Variants in TUBA1C observed in about 807,000 individuals in gnomAD.
TUBA1C encodes tubulin alpha-1C chain.
Under a neutral mutation model 34.9 loss-of-function variants are expected in TUBA1C, and 16 were observed. The ratio of observed to expected loss-of-function variants is 0.46; its 90% confidence interval spans 0.31 to 0.70. TUBA1C has a LOEUF of 0.70. Ranked by LOEUF, TUBA1C falls within the 30% of genes least tolerant of loss-of-function variation. TUBA1C has a pLI of 0.05. For synonymous variants in TUBA1C, 177 were observed against 215.9 expected, an observed-to-expected ratio of 0.82 and a Z score of 1.58; for missense variants, 329 against 587.3, an observed-to-expected ratio of 0.56 and a Z score of 4.55.
chr12:49,241,026 C>G (rs973833324), intron 1 of TUBA1C, among the ~76,000 whole-genome samples: 2 of 152,094 alleles, frequency 1.3e-5, no homozygotes, highest in Admixed American at 6.6e-5. Context: ...CTCAGCCTCC[C>G]AAGTAGCTAG....
chr12:49,255,764 C>T (rs1416245454), intron 1 of TUBA1C, among the ~76,000 whole-genome samples: 1 of 152,160 alleles, frequency 6.6e-6, no homozygotes, highest in Non-Finnish European at 1.5e-5. Context: ...CAGGGTTTCA[C>T]CATGTTGGCC....
At chr12:49,271,177 G>A (rs1374794662) in intron 3 of TUBA1C, among the ~76,000 whole-genome samples, 1 of 152,162 alleles carries the variant, frequency 6.6e-6, no homozygotes, top group Non-Finnish European at 1.5e-5. Context: ...TAATTGGTAG[G>A]CGAGAGTCTG....
intron 1 of TUBA1C, among the ~76,000 whole-genome samples, chr12:49,236,180 T>C (rs927342706): frequency 3.9e-5 from 6 of 152,254 alleles, no homozygotes; most frequent in Admixed American, 2.6e-4. Context: ...GTTGAAGATT[T>C]TTCTATTTAG....
rs201921449 is a variant in TUBA1C, at chr12:49,273,080, G to A, written c.1203G>A (p.Lys401=). 176 of 1,614,236 alleles carry A rather than the reference G, an allele frequency of 1.1e-4. No individual in the cohort carries two copies. Among genetic ancestry groups the A allele is most frequent in the Admixed American group, 1.5e-4 (9 of 60,026 alleles). ...LDHKFDLMYA[K]RAFVHWYVGE... ...ACAAGTTTGACCTGATGTATGCCAA[G>A]CGTGCCTTTGTTCACTGGTACGTGG... The change falls in exon 4 of 4, where the codon AAG becomes AAA. Residue 401 remains lysine, a synonymous_variant. Transcript: ENST00000301072.
At position 49,272,780 on chromosome 12, in the gene TUBA1C, G is replaced by A. The variant is rs999708936; in HGVS notation, c.903G>A (p.Gln301=). Residue 301 remains glutamine (Q), a synonymous_variant, in exon 4 of 4, where the codon CAG becomes CAA. Coordinates refer to ENST00000301072, the MANE Select transcript of TUBA1C (RefSeq NM_032704.5). ...ITNACFEPAN[Q]MVKCDPRHGK... Reference sequence around the variant, plus strand: ...ATGCTTGCTTTGAGCCAGCCAACCAGATGGTGAAATGTGACCCTCGCCATG... The same window carrying A: ...ATGCTTGCTTTGAGCCAGCCAACCAAATGGTGAAATGTGACCCTCGCCATG... The A allele has an allele frequency of 6.8e-6, 11 of 1,613,828 alleles. No individual in the cohort carries two copies. In the African/African-American group the frequency reaches 1.5e-4, roughly 22 times the overall value.
rs1019551869 is a variant in TUBA1C at position 49,265,104 on chromosome 12, T to C, written c.-78T>C. 1.9e-6 allele frequency: 3 copies of C among 1,546,334 alleles called. No individual in the cohort carries two copies. Among genetic ancestry groups the C allele is most frequent in the Non-Finnish European group, 2.6e-6 (3 of 1,138,374 alleles). On this transcript the variant is annotated 5_prime_UTR_variant, in exon 1 of 4. Transcript: ENST00000301072. Reference sequence around the variant, plus strand: ...TTCACTACTTCTCCCCCGGACTCCTTGGTAGTCTGTTAGTGGGAGATCCTT... The same window carrying C: ...TTCACTACTTCTCCCCCGGACTCCTCGGTAGTCTGTTAGTGGGAGATCCTT...
At chr12:49,270,111 A>G in intron 3 of TUBA1C, 135 bp downstream of exon 3, 1 of 1,539,152 alleles carries the variant, frequency 6.5e-7, no homozygotes, top group South Asian at 1.1e-5. Flanking sequence ...CACTAAATTA[A>G]TTGGATTTCT....
In TUBA1C at chr12:49,269,577, A is replaced by G; in HGVS notation, c.116A>G (p.Asp39Gly). Residue 39 changes from aspartate (D) to glycine (G), a missense_variant, in exon 2 of 4, where the codon GAC becomes GGC. Around this residue, in one of 4 missense-constraint regions of TUBA1C, gnomAD observed 152 missense variants for 240.3 expected, o/e 0.63. Coordinates refer to ENST00000301072, the MANE Select transcript of TUBA1C (RefSeq NM_032704.5). ...CAGCCCGATGGCCAGATGCCAAGTG[A>G]CAAGACCATTGGGGGAGGAGATGAT... ...GIQPDGQMPS[D>G]KTIGGGDDSF... The G allele has an allele frequency of 6.2e-7, 1 of 1,614,234 alleles. No homozygotes were observed.
chr12:49,233,825 G>C (rs1280506038), intron 1 of TUBA1C: 1 of 152,318 alleles, frequency 6.6e-6, no homozygotes, highest in Non-Finnish European at 1.5e-5. Flanking sequence ...GAAGGGCAGG[G>C]CTGCGTAAGC....
At chr12:49,253,402 T>C (rs1942750725) in intron 1 of TUBA1C, among the ~76,000 whole-genome samples, 1 of 152,024 alleles carries the variant, frequency 6.6e-6, no homozygotes, top group South Asian at 2.1e-4. Context: ...CACGTGGGCG[T>C]GTCAATGTCT....
At chr12:49,265,968 AAAAAC>A (rs1308404963) in intron 1 of TUBA1C, among the ~76,000 whole-genome samples, 4 of 140,600 alleles carry the variant, frequency 2.8e-5, no homozygotes, top group Admixed American at 7.0e-5. Context: ...AAAAAAAAAA[AAAAAC>A]AAAAAAAAAC....
intron 1 of TUBA1C, among the ~76,000 whole-genome samples, chr12:49,259,053 C>G (rs536468734): frequency 7.7e-4 from 117 of 152,212 alleles, no homozygotes; most frequent in Admixed American, 1.8e-3. Context: ...GCCACCGCAC[C>G]CGGCCAAAAA....
intron 1 of TUBA1C, chr12:49,257,942 T>A: frequency 5.9e-6 from 1 of 170,616 alleles, no homozygotes; most frequent in South Asian, 8.7e-5. Context: ...CACTGCAGCC[T>A]CCGCCTTCCG....
intron 1 of TUBA1C, among the ~76,000 whole-genome samples, chr12:49,252,073 C>A (rs1323920678): frequency 6.6e-6 from 1 of 152,118 alleles, no homozygotes; most frequent in Non-Finnish European, 1.5e-5. Context: ...ATAAAATATG[C>A]TACATCCATA....
intron 1 of TUBA1C, among the ~76,000 whole-genome samples, chr12:49,259,688 T>C (rs1213385616): frequency 6.6e-6 from 1 of 152,214 alleles, no homozygotes; most frequent in Non-Finnish European, 1.5e-5. Context: ...CAGATCTTGG[T>C]TGTTAAGTGA....
chr12:49,229,175 A>G (rs540754149), intron 1 of TUBA1C, among the ~76,000 whole-genome samples: 1 of 152,132 alleles, frequency 6.6e-6, no homozygotes, highest in South Asian at 2.1e-4. Context: ...GCGAACCTTT[A>G]TCTTTTTTGC....
intron 1 of TUBA1C, among the ~76,000 whole-genome samples, chr12:49,254,359 A>ACTGAGT (rs1468736829): frequency 6.6e-6 from 1 of 151,958 alleles, no homozygotes; most frequent in Non-Finnish European, 1.5e-5. Flanking sequence ...GCACGCCTGT[A>ACTGAGT]ATCCCAGCTA....
At chr12:49,246,305 C>A (rs553726870) in intron 1 of TUBA1C, among the ~76,000 whole-genome samples, 1 of 152,094 alleles carries the variant, frequency 6.6e-6, no homozygotes, top group Admixed American at 6.6e-5. Flanking sequence ...TTCTGCCTGA[C>A]CCTGGGGCAG....
intron 1 of TUBA1C, among the ~76,000 whole-genome samples, chr12:49,247,146 A>T (rs866975872): frequency 2.6e-4 from 40 of 152,052 alleles, no homozygotes; most frequent in Middle Eastern, 3.4e-3. Context: ...TCTCAAAAAA[A>T]AAAAAGAAAG....
Sources: gnomAD v4.1 joint callset for allele counts (sites outside exome capture counted in the v4.1 genomes callset) on GRCh38, gnomAD v4.1.1 for gene constraint, gnomAD v4.1.1 regional missense constraint, MANE v1.5 for transcripts, NCBI Gene and HGNC (gene_info 2026-07-23, HGNC 2026-07-21) for gene names.